The following LRP1B variants were observed in gnomAD, a reference collection of about 807,000 sequenced individuals.
The protein encoded by LRP1B is low-density lipoprotein receptor-related protein 1B.
In LRP1B, 217 loss-of-function variants were observed where a neutral mutation model predicts 556.6. The ratio of observed to expected loss-of-function variants is 0.39; its 90% CI spans 0.35 to 0.44. The LOEUF is 0.44. Among genes scored for constraint, LRP1B ranks in the 20% least tolerant of loss-of-function variants. The probability of loss-of-function intolerance (pLI) is 1.00; values close to 1 mark genes in which losing one functional copy is unlikely to be tolerated. For synonymous variants in LRP1B, 2,047 were observed against 1,865.8 expected, an observed-to-expected ratio of 1.10 and a Z score of -2.50; for missense variants, 5,053 against 5,620.8, an observed-to-expected ratio of 0.90 and a Z score of 3.23.
intron 18 of LRP1B, among the ~76,000 whole-genome samples, chr2:140,980,993 T>C (rs917397229): frequency 1.3e-5 from 2 of 152,128 alleles, no homozygotes; most frequent in Non-Finnish European, 2.9e-5. Context: ...AACTCAGGAA[T>C]GGAAAACCAA....
At chr2:140,381,892 G>T (rs1208098556) in intron 67 of LRP1B, among the ~76,000 whole-genome samples, 1 of 141,848 alleles carries the variant, frequency 7.0e-6, no homozygotes, top group African/African-American at 2.6e-5. Flanking sequence ...AAAAAGAGGA[G>T]AAAAGAACAA....
At chr2:141,349,616 A>G (rs1021488726) in intron 3 of LRP1B, among the ~76,000 whole-genome samples, 1 of 152,104 alleles carries the variant, frequency 6.6e-6, no homozygotes, top group Non-Finnish European at 1.5e-5. Flanking sequence ...AGACAAGTCT[A>G]TGTAAATGGT....
intron 7 of LRP1B, among the ~76,000 whole-genome samples, chr2:141,070,291 A>G (rs12612927): frequency 0.86 from 127,946 of 147,934 alleles, 55,689 homozygotes; most frequent in Non-Finnish European, 0.91. Flanking sequence ...AAATAAAGAT[A>G]TTCTTTGAAA....
chr2:142,031,339 T>TAACATA (rs1703697676), intron 1 of LRP1B, among the ~76,000 whole-genome samples: 1 of 138,212 alleles, frequency 7.2e-6, no homozygotes, highest in East Asian at 2.4e-4. Flanking sequence ...TATTTTTTTT[T>TAACATA]TTTTTTTTTA....
Position 140,883,671 on chromosome 2 carries a change from C to A in LRP1B, c.4169+146G>T, listed in dbSNP as rs369151430. Reference sequence around the variant, plus strand: ...TATGTACAACTCACATACCTACCCCCACCTCCCCGCCCCCGCCACACACAC... The same window carrying A: ...TATGTACAACTCACATACCTACCCCAACCTCCCCGCCCCCGCCACACACAC... On this transcript the variant is annotated intron_variant, in intron 25 of 90. Transcript: ENST00000389484. The A allele has an allele frequency of 1.5e-5, 9 of 601,674 alleles. No individual in the cohort carries two copies. In the East Asian group the frequency reaches 1.5e-4, roughly 10 times the overall value. 37.3% of individuals were successfully genotyped at this position (601,674 alleles called of 1,614,324 possible).
chr2:141,502,821 T>C (rs988102853), intron 2 of LRP1B, among the ~76,000 whole-genome samples: 2 of 149,010 alleles, frequency 1.3e-5, no homozygotes, highest in Non-Finnish European at 3.0e-5. Flanking sequence ...ATTGTGCCAC[T>C]GTACTGCAGC....
intron 2 of LRP1B, among the ~76,000 whole-genome samples, chr2:141,573,233 A>G (rs1686600337): frequency 6.6e-6 from 1 of 152,112 alleles, no homozygotes; most frequent in Admixed American, 6.6e-5. Flanking sequence ...AATAACTGAA[A>G]TCATAACAGT....
chr2:140,516,848 T>A (rs2104938442), intron 50 of LRP1B, 41 bp downstream of exon 50: 1 of 1,592,584 alleles, frequency 6.3e-7, no homozygotes, highest in Non-Finnish European at 8.6e-7. Flanking sequence ...ATATAAGTAA[T>A]AGTAAGGTTA....
At chr2:142,040,252 TA>T (rs1234244874) in intron 1 of LRP1B, among the ~76,000 whole-genome samples, 2 of 151,492 alleles carry the variant, frequency 1.3e-5, no homozygotes, top group African/African-American at 4.8e-5. Flanking sequence ...ATACTATGCT[TA>T]AAATACTTTC....
At chr2:141,135,787 C>T (rs1423384835) in intron 7 of LRP1B, among the ~76,000 whole-genome samples, 1 of 151,862 alleles carries the variant, frequency 6.6e-6, no homozygotes, top group African/African-American at 2.4e-5. Flanking sequence ...GGTTCAGTTA[C>T]AATATTTTAA....
At chr2:140,576,720 C>A (rs1370265114) in intron 43 of LRP1B, among the ~76,000 whole-genome samples, 1 of 152,084 alleles carries the variant, frequency 6.6e-6, no homozygotes, top group Admixed American at 6.6e-5. Context: ...ATTATAATAT[C>A]ATTACCATAA....
At position 140,514,791 on chromosome 2, in the gene LRP1B, GA is replaced by G. The variant is rs199711847; in HGVS notation, c.8150-20del. On this transcript the variant is annotated intron_variant, in intron 50 of 90. Transcript: ENST00000389484. ...GAAGAATCTAGGAAACAAACAAAAG[GA>G]AAAAAAAAAATAGTTTGAGACCGTC... 0.045 allele frequency: 50,244 copies of G among 1,112,000 alleles called. 478 individuals are homozygous for G. Among genetic ancestry groups the G allele is most frequent in the Admixed American group, 0.19 (8,255 of 43,952 alleles). The allele number at this position is 1,112,000 out of a possible 1,614,324, so 68.9% of individuals were successfully genotyped here. A position where few individuals can be genotyped will look rare whatever the true frequency, so the allele number is the denominator to read the frequency against.
At chr2:140,972,989 A>C (rs562489648) in intron 18 of LRP1B, among the ~76,000 whole-genome samples, 1 of 147,726 alleles carries the variant, frequency 6.8e-6, no homozygotes, top group South Asian at 2.1e-4. Flanking sequence ...AAATACATAT[A>C]TATTTACATA....
At chr2:140,263,973 G>A (rs1186323852) in intron 86 of LRP1B, among the ~76,000 whole-genome samples, 1 of 151,996 alleles carries the variant, frequency 6.6e-6, no homozygotes, top group African/African-American at 2.4e-5. Flanking sequence ...ACAAATGGGT[G>A]GCTTACACAA....
chr2:140,926,962 G>T (rs1286447581), intron 20 of LRP1B, among the ~76,000 whole-genome samples: 1 of 152,028 alleles, frequency 6.6e-6, no homozygotes, highest in African/African-American at 2.4e-5. Context: ...CATTACATCA[G>T]ATTGAACCCA....
In LRP1B at chr2:142,064,228, A is replaced by G. The variant is rs16848051; in HGVS notation, c.82+66420T>C. Among the ~76,000 whole-genome samples, 1,133 of 151,450 alleles carry G rather than the reference A, an allele frequency of 7.5e-3. 19 individuals are homozygous for G. The highest frequency in any genetic ancestry group is 0.026 in the African/African-American group (1,091 of 41,408). The stretch of plus-strand genomic sequence containing the variant: ...TTAGTGGCCCACCTATCTGTACTCT[A>G]TTTTTCAAGATCTTAGTTACATTGG... On this transcript the variant is annotated intron_variant, in intron 1 of 90. Transcript: ENST00000389484.
intron 3 of LRP1B, among the ~76,000 whole-genome samples, chr2:141,427,733 T>C (rs1256751040): frequency 6.6e-6 from 1 of 152,210 alleles, no homozygotes; most frequent in Non-Finnish European, 1.5e-5. Context: ...AAATTAGCCA[T>C]AATTAAAAAT....
intron 2 of LRP1B, among the ~76,000 whole-genome samples, chr2:141,790,022 A>G (rs1314375927): frequency 1.3e-5 from 2 of 151,928 alleles, no homozygotes; most frequent in African/African-American, 2.4e-5. Context: ...ATAAAGAAAG[A>G]GTTTAAGCCT....
In LRP1B at chr2:141,718,721, C is replaced by T. The variant is rs552517337; in HGVS notation, c.205+91558G>A. On this transcript the variant is annotated intron_variant, in intron 2 of 90. Transcript: ENST00000389484. ...AGAACATCCCGTTAAGCATTTAAAA[C>T]GTTAGTCTGTGTACACTTAATTTCT... 1.7e-3 allele frequency among the ~76,000 whole-genome samples: 261 copies of T among 152,162 alleles called. 1 individual carries two copies. Among genetic ancestry groups the T allele is most frequent in the Middle Eastern group, 3.4e-3 (1 of 294 alleles).
Sources: allele counts gnomAD v4.1 joint callset (sites outside exome capture counted in the v4.1 genomes callset), GRCh38; gene constraint gnomAD v4.1.1; transcripts MANE v1.5; gene names NCBI Gene and HGNC (gene_info 2026-07-23, HGNC 2026-07-21).